Variants in TRIM33 observed in about 807,000 individuals in gnomAD.
The protein encoded by TRIM33 is tripartite motif containing 33.
In TRIM33, 20 loss-of-function variants were observed where a neutral mutation model predicts 125.4. The observed-to-expected ratio is 0.16, with a 90% CI of 0.11 to 0.23. The LOEUF is 0.23. Among genes scored for constraint, TRIM33 ranks in the 10% least tolerant of loss-of-function variants. The pLI is 1.00. For missense variants in TRIM33, 920 were observed against 1,411.4 expected (o/e 0.65, Z 5.58); for synonymous variants, 564 against 513.9 (o/e 1.10, Z -1.32).
chr1:114,504,954 G>A (rs548605024), intron 1 of TRIM33, among the ~76,000 whole-genome samples: 14 of 152,204 alleles, frequency 9.2e-5, no homozygotes, highest in African/African-American at 2.4e-4. Context: ...CAAAGACAAC[G>A]GGGGGACAAA....
chr1:114,424,859 A>G (rs865938591), intron 9 of TRIM33, 104 bp from the exon 10 acceptor site: 27 of 838,396 alleles, frequency 3.2e-5, no homozygotes, highest in Non-Finnish European at 4.5e-5. Context: ...AAAAGGGTAT[A>G]AAGTAAAAAG....
chr1:114,505,873 T>C (rs1321723281), intron 1 of TRIM33, among the ~76,000 whole-genome samples: 1 of 152,112 alleles, frequency 6.6e-6, no homozygotes. Context: ...CAGTCCACAG[T>C]AAGTTGAAGA....
chr1:114,472,542 G>A (rs1221293935), intron 1 of TRIM33, among the ~76,000 whole-genome samples: 2 of 152,090 alleles, frequency 1.3e-5, no homozygotes, highest in Non-Finnish European at 2.9e-5. Flanking sequence ...AGATCAGCCT[G>A]GGCAACATGG....
Position 114,433,619 on chromosome 1 carries a change from A to G in TRIM33, c.1038T>C (p.Asn346=). Residue 346 remains asparagine, a splice_region_variant and synonymous_variant, in exon 5 of 20, where the codon AAT becomes AAC. Coordinates refer to ENST00000358465, the MANE Select transcript of TRIM33 (RefSeq NM_015906.4). The part of the protein sequence containing the change: ...YVHFAATQVQ[N]RIKEVNETNK... Reference sequence around the variant, plus strand: ...TGGTTTTAAGGCAACAAACTTACCTATTCTGCACCTGAGTAGCTGCAAAAT... The same window carrying G: ...TGGTTTTAAGGCAACAAACTTACCTGTTCTGCACCTGAGTAGCTGCAAAAT... 2 of 1,594,542 alleles carry G rather than the reference A, an allele frequency of 1.3e-6. No homozygotes were observed. Among genetic ancestry groups the G allele is most frequent in the Non-Finnish European group, 1.7e-6 (2 of 1,167,780 alleles).
intron 12 of TRIM33, 24 bp downstream of exon 12, chr1:114,410,160 T>C (rs367927036): frequency 4.1e-5 from 66 of 1,612,788 alleles, no homozygotes; most frequent in Non-Finnish European, 5.2e-5. Context: ...TGTTAAAAAA[T>C]AAGGTAATAC....
chr1:114,425,182 A>G (rs1230258051), intron 9 of TRIM33, among the ~76,000 whole-genome samples: 2 of 152,196 alleles, frequency 1.3e-5, no homozygotes, highest in African/African-American at 4.8e-5. Flanking sequence ...GTGGAAAACA[A>G]AAAAGATTTG....
intron 1 of TRIM33, among the ~76,000 whole-genome samples, chr1:114,485,409 A>G (rs1344203024): frequency 6.6e-6 from 1 of 152,138 alleles, no homozygotes; most frequent in Non-Finnish European, 1.5e-5. Context: ...GAGACCAGGC[A>G]AATCATCACT....
chr1:114,411,001 T>A (rs1425676860), intron 11 of TRIM33, among the ~76,000 whole-genome samples: 1 of 152,204 alleles, frequency 6.6e-6, no homozygotes, highest in Non-Finnish European at 1.5e-5. Flanking sequence ...GAATATTACC[T>A]TAAATCTTAT....
chr1:114,427,350 A>G (rs951570630), intron 7 of TRIM33, 56 bp from the exon 8 acceptor site: 8 of 956,234 alleles, frequency 8.4e-6, no homozygotes, highest in African/African-American at 4.9e-5. Flanking sequence ...TTGGGAAATC[A>G]TAAGATAAAG....
chr1:114,495,464 G>A (rs1652317308), intron 1 of TRIM33, among the ~76,000 whole-genome samples: 1 of 152,158 alleles, frequency 6.6e-6, no homozygotes, highest in African/African-American at 2.4e-5. Context: ...CCGCAAAATA[G>A]AATGAGTCTT....
rs1475232985 is a variant in TRIM33 at position 114,431,028 on chromosome 1, T to C, written c.1041-116A>G. On this transcript the variant is annotated intron_variant, in intron 5 of 19. Coordinates refer to ENST00000358465, the MANE Select transcript of TRIM33 (RefSeq NM_015906.4). ...AACCGAGTAATTAAAATGAAAACTTTGTCAAAATGTACAACTCATGTTTCA... is the reference window on the plus strand; with the variant it reads ...AACCGAGTAATTAAAATGAAAACTTCGTCAAAATGTACAACTCATGTTTCA... The C allele has an allele frequency of 2.1e-5, 14 of 670,102 alleles. No homozygotes were observed. The South Asian group carries it at 2.2e-4, about 10-fold the overall frequency. 41.5% of individuals were successfully genotyped at this position (670,102 alleles called of 1,614,324 possible).
At chr1:114,482,359 C>T (rs889577618) in intron 1 of TRIM33, among the ~76,000 whole-genome samples, 3 of 151,678 alleles carry the variant, frequency 2.0e-5, no homozygotes, top group South Asian at 2.1e-4. Flanking sequence ...TTACATAGGA[C>T]GAAATAAAGA....
In TRIM33 at chr1:114,486,565, A is replaced by C. The variant is rs1235577835; in HGVS notation, c.527-22177T>G. On this transcript the variant is annotated intron_variant, in intron 1 of 19. Transcript: ENST00000358465. ...CTATCTCAAAAAAAAAAAAAAAAAA[A>C]ACCCAAAAACCAAAAATTTAAAACT... Among the ~76,000 whole-genome samples the C allele has an allele frequency of 2.7e-5, 4 of 150,220 alleles. No individual in the cohort carries two copies. The East Asian group carries it at 5.8e-4, about 22-fold the overall frequency.
chr1:114,408,027 G>A (rs545586920), intron 13 of TRIM33, among the ~76,000 whole-genome samples: 4 of 152,108 alleles, frequency 2.6e-5, no homozygotes, highest in Admixed American at 2.6e-4. Context: ...GGCATAATTC[G>A]CCCCAAAGGA....
intron 11 of TRIM33, 53 bp downstream of exon 11, chr1:114,421,379 TCTAA>T (rs1653272068): frequency 1.3e-6 from 2 of 1,485,164 alleles, no homozygotes; most frequent in Non-Finnish European, 1.9e-6. Context: ...AAATAAATAC[TCTAA>T]CTCTGTAATT....
intron 1 of TRIM33, among the ~76,000 whole-genome samples, chr1:114,472,312 A>G (rs1383523749): frequency 2.0e-5 from 3 of 152,234 alleles, no homozygotes; most frequent in Non-Finnish European, 4.4e-5. Context: ...AAGTGAAATA[A>G]TTGCTAATTA....
chr1:114,454,892 G>T (rs1157718624), intron 4 of TRIM33, among the ~76,000 whole-genome samples: 1 of 152,038 alleles, frequency 6.6e-6, no homozygotes, highest in African/African-American at 2.4e-5. Flanking sequence ...GTTACAAGGA[G>T]GTAGTCTAGG....
At chr1:114,438,681 A>C (rs1329042817) in intron 4 of TRIM33, among the ~76,000 whole-genome samples, 1 of 152,168 alleles carries the variant, frequency 6.6e-6, no homozygotes, top group Non-Finnish European at 1.5e-5. Flanking sequence ...TCTGTGTCTC[A>C]CTTCTTCTCC....
chr1:114,481,157 A>G (rs1651309249), intron 1 of TRIM33, among the ~76,000 whole-genome samples: 1 of 152,164 alleles, frequency 6.6e-6, no homozygotes, highest in African/African-American at 2.4e-5. Flanking sequence ...TGGGCAACAG[A>G]GTAAGACTCT....
Sources: allele counts gnomAD v4.1 joint callset (sites outside exome capture counted in the v4.1 genomes callset), GRCh38; gene constraint gnomAD v4.1.1; transcripts MANE v1.5; gene names NCBI Gene and HGNC (gene_info 2026-07-23, HGNC 2026-07-21).